The following SPATA13 variants were observed in gnomAD, a reference collection of about 807,000 sequenced individuals.
SPATA13 encodes the protein spermatogenesis-associated protein 13.
SPATA13 carries 50 observed loss-of-function variants against 104.0 expected under a neutral mutation model. The observed-to-expected ratio is 0.48, with a 90% CI of 0.38 to 0.61. The LOEUF is 0.61. Among genes scored for constraint, SPATA13 ranks in the 20% least tolerant of loss-of-function variants. SPATA13 has a pLI of 0.00. For missense variants in SPATA13, 1,524 were observed against 1,690.6 expected (o/e 0.90, Z 1.73); for synonymous variants, 606 against 667.5 (o/e 0.91, Z 1.42).
intron 4 of SPATA13, among the ~76,000 whole-genome samples, chr13:24,264,874 A>G (rs1874221765): frequency 6.6e-6 from 1 of 152,216 alleles, no homozygotes; most frequent in Non-Finnish European, 1.5e-5. Flanking sequence ...TGCATTAATC[A>G]AAGTTCTAGT....
In SPATA13 at chr13:24,303,006, G is replaced by C; in HGVS notation, c.*233G>C. On this transcript the variant is annotated 3_prime_UTR_variant, in exon 13 of 13. Coordinates refer to ENST00000382108, the MANE Select transcript of SPATA13 (RefSeq NM_001166271.3). ...AGCTTTATCCTACACAGAAACACCC[G>C]TGACCCACTATGAGATGGCCCAGAT... 1 of 577,728 alleles carries C rather than the reference G, an allele frequency of 1.7e-6. No individual in the cohort carries two copies. The highest frequency in any genetic ancestry group is 1.9e-5 in the African/African-American group (1 of 53,700). 35.8% of individuals were successfully genotyped at this position (577,728 alleles called of 1,614,324 possible).
At chr13:24,208,162 C>T (rs957753310) in intron 1 of SPATA13, among the ~76,000 whole-genome samples, 4 of 152,158 alleles carry the variant, frequency 2.6e-5, no homozygotes, top group Admixed American at 2.6e-4. Context: ...TAATTAGTGT[C>T]AGGTGAGGCT....
chr13:23,999,591 C>T (rs1256353102), intron 2 of SPATA13, among the ~76,000 whole-genome samples: 1 of 91,894 alleles, frequency 1.1e-5, no homozygotes, highest in African/African-American at 4.5e-5. Context: ...GGGAGATCTC[C>T]AGGCTCAGGG....
At chr13:24,195,379 C>T (rs775196253) in intron 1 of SPATA13, among the ~76,000 whole-genome samples, 15 of 152,106 alleles carry the variant, frequency 9.9e-5, no homozygotes, top group Non-Finnish European at 2.2e-4. Flanking sequence ...TTCGTTTCCC[C>T]CTTTGACCAT....
chr13:24,030,919 TA>T (rs1380557068), intron 3 of SPATA13, among the ~76,000 whole-genome samples: 3 of 152,192 alleles, frequency 2.0e-5, no homozygotes, highest in African/African-American at 4.8e-5. Flanking sequence ...CCTGAGATTT[TA>T]AAAGGTTAAA....
intron 2 of SPATA13, among the ~76,000 whole-genome samples, chr13:23,997,885 T>G (rs1225245872): frequency 6.6e-6 from 1 of 152,062 alleles, no homozygotes; most frequent in Non-Finnish European, 1.5e-5. Flanking sequence ...AGGCCCCATC[T>G]CCAACACTAG....
At chr13:24,270,064 T>C (rs769366637) in intron 4 of SPATA13, among the ~76,000 whole-genome samples, 4 of 152,116 alleles carry the variant, frequency 2.6e-5, no homozygotes, top group Non-Finnish European at 4.4e-5. Flanking sequence ...GTCACTACTT[T>C]GCGTATATAT....
At position 24,297,699 on chromosome 13, in the gene SPATA13, G is replaced by C; in HGVS notation, c.3547G>C (p.Asp1183His). Reference protein sequence around the residue: ...DKARWLQACADERRRVQEDKE... With the variant: ...DKARWLQACAHERRRVQEDKE... ...GGCGAGGTGGCTGCAGGCCTGTGCA[G>C]ATGAAAGGAGGCGGGTGCAAGAGGA... Residue 1183 changes from aspartate to histidine, a missense_variant, in exon 11 of 13, where the codon GAT (aspartate) becomes CAT (histidine). Transcript: ENST00000382108. 2 of 1,613,494 alleles carry C rather than the reference G, an allele frequency of 1.2e-6. No individual in the cohort carries two copies. Among genetic ancestry groups the C allele is most frequent in the South Asian group, 1.1e-5 (1 of 91,072 alleles).
intron 2 of SPATA13, among the ~76,000 whole-genome samples, chr13:23,989,421 CAAA>C (rs766075797): frequency 8.3e-6 from 1 of 119,828 alleles, no homozygotes; most frequent in African/African-American, 3.1e-5. Flanking sequence ...GATTTCATCT[CAAA>C]AAAAAAAAAG....
chr13:23,991,266 T>C (rs1875402227), intron 2 of SPATA13, among the ~76,000 whole-genome samples: 2 of 152,294 alleles, frequency 1.3e-5, no homozygotes, highest in African/African-American at 4.8e-5. Context: ...TACATTCGTG[T>C]CCCTCTCTGA....
intron 3 of SPATA13, among the ~76,000 whole-genome samples, chr13:24,100,235 C>A (rs1232992774): frequency 6.6e-6 from 1 of 152,148 alleles, no homozygotes; most frequent in African/African-American, 2.4e-5. Flanking sequence ...AATGTGTTTA[C>A]TGAACCTTTT....
rs568892899 is a variant in SPATA13 at position 24,277,399 on chromosome 13, G to A, written c.2165-6736G>A. On this transcript the variant is annotated intron_variant, in intron 4 of 12. Coordinates refer to ENST00000382108, the MANE Select transcript of SPATA13 (RefSeq NM_001166271.3). ...GCGGAGCTTGCAGTGACCCGAGATC[G>A]CGCCATTGCACTCCAGCCTGGGCAA... 7.1e-5 allele frequency among the ~76,000 whole-genome samples: 10 copies of A among 140,982 alleles called. No individual in the cohort carries two copies. The East Asian group carries it at 1.3e-3, about 18-fold the overall frequency. 92.5% of individuals were successfully genotyped at this position (140,982 alleles called of 152,430 possible).
chr13:24,117,909 T>C (rs1880904515), intron 3 of SPATA13, among the ~76,000 whole-genome samples: 1 of 152,194 alleles, frequency 6.6e-6, no homozygotes, highest in African/African-American at 2.4e-5. Context: ...GGGTTGTTTA[T>C]AAAAACCACA....
At chr13:24,004,514 G>C (rs961139292) in intron 2 of SPATA13, among the ~76,000 whole-genome samples, 1 of 152,092 alleles carries the variant, frequency 6.6e-6, no homozygotes, top group African/African-American at 2.4e-5. Context: ...CTCCTCACAG[G>C]GGCGCAGACG....
chr13:24,181,529 T>G (rs1012281759), intron 1 of SPATA13, among the ~76,000 whole-genome samples: 5 of 152,310 alleles, frequency 3.3e-5, no homozygotes, highest in Middle Eastern at 3.4e-3. Context: ...CTTTTTTGTT[T>G]TGTACTTTTT....
chr13:24,239,174 G>A (rs991828314), intron 2 of SPATA13, among the ~76,000 whole-genome samples: 44 of 152,312 alleles, frequency 2.9e-4, no homozygotes, highest in African/African-American at 1.1e-3. Flanking sequence ...TAGGATTGTT[G>A]ATCATGGGGG....
chr13:24,151,174 C>T lies in SPATA13; in HGVS notation c.-111-71645C>T, dbSNP rs374288894. On this transcript the variant is annotated intron_variant, in intron 3 of 14. Coordinates refer to the SPATA13 transcript ENST00000424834. Reference sequence around the variant, plus strand: ...GAATCCAGGAGATGGCCCTCAGACCCAGATGCTTCCTCCCGCAGTGCTGAG... The same window carrying T: ...GAATCCAGGAGATGGCCCTCAGACCTAGATGCTTCCTCCCGCAGTGCTGAG... 2.0e-4 allele frequency among the ~76,000 whole-genome samples: 31 copies of T among 152,328 alleles called. No individual in the cohort carries two copies. The East Asian group carries it at 4.6e-3, about 23-fold the overall frequency.
intron 3 of SPATA13, among the ~76,000 whole-genome samples, chr13:24,035,990 GGT>G (rs754372009): frequency 1.4e-5 from 2 of 147,592 alleles, no homozygotes; most frequent in Non-Finnish European, 3.0e-5. Flanking sequence ...CTCCATCCTG[GGT>G]GACAGAGTAA....
At chr13:24,093,926 A>G (rs1007794612) in intron 3 of SPATA13, among the ~76,000 whole-genome samples, 15 of 148,058 alleles carry the variant, frequency 1.0e-4, no homozygotes, top group African/African-American at 3.2e-4. Flanking sequence ...ATCAGACTAT[A>G]TACCTCAGGC....
Sources: gnomAD v4.1 joint callset for allele counts (sites outside exome capture counted in the v4.1 genomes callset) on GRCh38, gnomAD v4.1.1 for gene constraint, MANE v1.5 for transcripts, NCBI Gene and HGNC (gene_info 2026-07-23, HGNC 2026-07-21) for gene names.